Variants in PTPRD observed in about 807,000 individuals in gnomAD.
PTPRD encodes receptor-type tyrosine-protein phosphatase delta.
PTPRD carries 34 observed loss-of-function variants against 214.5 expected under a neutral mutation model. The observed-to-expected ratio is 0.16, with a 90% CI of 0.12 to 0.21. PTPRD has a LOEUF of 0.21. Among genes scored for constraint, PTPRD ranks in the 10% least tolerant of loss-of-function variants. The pLI, the probability that PTPRD is intolerant of heterozygous loss-of-function variation, is 1.00. For missense variants in PTPRD, 2,545 were observed against 2,398.7 expected (o/e 1.06, Z -1.27); for synonymous variants, 1,128 against 845.7 (o/e 1.33, Z -5.79).
intron 11 of PTPRD, among the ~76,000 whole-genome samples, chr9:8,938,910 C>G (rs2099014439): frequency 6.6e-6 from 1 of 152,134 alleles, no homozygotes; most frequent in South Asian, 2.1e-4. Flanking sequence ...TAATTATATG[C>G]TCAGCATTTG....
At chr9:9,505,693 T>C (rs1203493214) in intron 8 of PTPRD, among the ~76,000 whole-genome samples, 1 of 151,518 alleles carries the variant, frequency 6.6e-6, no homozygotes, top group Non-Finnish European at 1.5e-5. Flanking sequence ...GAAATAATTA[T>C]ACCAGGGAAA....
intron 8 of PTPRD, among the ~76,000 whole-genome samples, chr9:9,423,300 C>A (rs1174827458): frequency 5.9e-5 from 9 of 152,230 alleles, no homozygotes; most frequent in Non-Finnish European, 1.2e-4. Flanking sequence ...CTTATAATCA[C>A]AGAATAAGAG....
chr9:10,205,523 A>G (rs994869036), intron 3 of PTPRD, among the ~76,000 whole-genome samples: 2 of 152,060 alleles, frequency 1.3e-5, no homozygotes, highest in African/African-American at 2.4e-5. Context: ...CTCCTGCCAC[A>G]GCCTCTGAAG....
Position 8,317,320 on chromosome 9 carries a change from T to G in PTPRD, c.*554A>C, listed in dbSNP as rs1563846352. On this transcript the variant is annotated 3_prime_UTR_variant, in exon 46 of 46. Transcript: ENST00000381196. ...TGATACATTTTGTTAAAAAAAAGTT[T>G]ACACAGTTAGAAATGAAGCACAGGT... is the stretch of plus-strand genomic sequence containing the variant. The G allele has an allele frequency of 4.3e-6, 1 of 232,396 alleles. No individual in the cohort carries two copies. The highest frequency in any genetic ancestry group is 2.2e-5 in the African/African-American group (1 of 45,266). The allele number at this position is 232,396 out of a possible 1,614,324, so 14.4% of individuals were successfully genotyped here.
rs959060174 is a variant in PTPRD, at chr9:10,585,495, G to A, written c.-600+26903C>T. Among the ~76,000 whole-genome samples the A allele has an allele frequency of 3.0e-4, 46 of 151,934 alleles. 1 individual carries two copies. The highest frequency in any genetic ancestry group is 9.9e-4 in the African/African-American group (41 of 41,372). Reference sequence around the variant, plus strand: ...TTTCTCCAGAAAGCTTTTAGAAAATGAATATTTCAAACCCAAAGAATTTCA... The same window carrying A: ...TTTCTCCAGAAAGCTTTTAGAAAATAAATATTTCAAACCCAAAGAATTTCA... On this transcript the variant is annotated intron_variant, in intron 2 of 45. Transcript: ENST00000381196.
chr9:8,780,754 G>C (rs140990977), intron 11 of PTPRD, among the ~76,000 whole-genome samples: 152 of 152,172 alleles, frequency 1.0e-3, no homozygotes, highest in African/African-American at 3.5e-3. Context: ...AAAATCCTGA[G>C]GTAAGTAAAG....
intron 5 of PTPRD, among the ~76,000 whole-genome samples, chr9:9,934,844 C>T (rs929291434): frequency 5.3e-5 from 8 of 152,002 alleles, no homozygotes; most frequent in East Asian, 3.9e-4. Context: ...ACTGGCAAAA[C>T]GAATCCAGCA....
intron 9 of PTPRD, among the ~76,000 whole-genome samples, chr9:9,221,555 G>A (rs1210300030): frequency 6.6e-6 from 1 of 152,024 alleles, no homozygotes; most frequent in African/African-American, 2.4e-5. Context: ...CTGGCTCGCA[G>A]ACAGTATCCT....
At chr9:8,916,318 T>G (rs1421005715) in intron 11 of PTPRD, among the ~76,000 whole-genome samples, 1 of 152,176 alleles carries the variant, frequency 6.6e-6, no homozygotes, top group Admixed American at 6.5e-5. Context: ...TGGACAATTA[T>G]GACATTTATT....
At position 9,299,274 on chromosome 9, in the gene PTPRD, A is replaced by G. The variant is rs559852645; in HGVS notation, c.-203+98175T>C. The stretch of plus-strand genomic sequence containing the variant: ...ATATGCAGAAAGGTAGATTTACAGC[A>G]GTGGTTATCAACCAAAGGGTGATTT... On this transcript the variant is annotated intron_variant, in intron 9 of 45. Transcript: ENST00000381196. 3.3e-5 allele frequency among the ~76,000 whole-genome samples: 5 copies of G among 151,796 alleles called. No homozygotes were observed. In the Admixed American group the frequency reaches 3.3e-4, roughly 10 times the overall value.
chr9:8,443,679 A>G (rs765933216), intron 34 of PTPRD, among the ~76,000 whole-genome samples: 1 of 152,216 alleles, frequency 6.6e-6, no homozygotes, highest in East Asian at 1.9e-4. Flanking sequence ...GTTTGCAGGT[A>G]TTTTTGGGCC....
intron 14 of PTPRD, among the ~76,000 whole-genome samples, chr9:8,548,897 T>C (rs2081146224): frequency 6.6e-6 from 1 of 151,804 alleles, no homozygotes; most frequent in Non-Finnish European, 1.5e-5. Flanking sequence ...TTTCTCCATG[T>C]TGAGGCTGGT....
chr9:9,775,829 G>GC (rs1312878998), intron 5 of PTPRD, among the ~76,000 whole-genome samples: 1 of 151,810 alleles, frequency 6.6e-6, no homozygotes, highest in Non-Finnish European at 1.5e-5. Context: ...GGTGGCGGAC[G>GC]CCTGCAGTCC....
intron 7 of PTPRD, among the ~76,000 whole-genome samples, chr9:9,619,930 T>C (rs1463228357): frequency 6.6e-6 from 1 of 151,174 alleles, no homozygotes; most frequent in East Asian, 1.9e-4. Flanking sequence ...GTAATATAGA[T>C]AGATATTTCT....
At chr9:9,545,130 C>A (rs750607554) in intron 8 of PTPRD, among the ~76,000 whole-genome samples, 1 of 151,648 alleles carries the variant, frequency 6.6e-6, no homozygotes, top group African/African-American at 2.4e-5. Flanking sequence ...AATTGCTGAA[C>A]CTATGTTAAC....
rs200845982 is a variant in PTPRD, at chr9:8,419,249, A to AG, written c.4087-14590_4087-14589insC. The stretch of plus-strand genomic sequence containing the variant: ...TCCAAAAAATTAAAAAAAAAAAAAA[A>AG]AGAAAAGAAAAACAATATTATTAAT... On this transcript the variant is annotated intron_variant, in intron 35 of 45. Transcript: ENST00000381196. Among the ~76,000 whole-genome samples, 650 of 151,400 alleles carry AG rather than the reference A, an allele frequency of 4.3e-3. 13 individuals are homozygous for AG. The East Asian group carries it at 0.049, about 11-fold the overall frequency.
At chr9:10,010,445 C>A (rs1482232702) in intron 4 of PTPRD, among the ~76,000 whole-genome samples, 1 of 149,578 alleles carries the variant, frequency 6.7e-6, no homozygotes, top group South Asian at 2.1e-4. Flanking sequence ...TTTAATTTAA[C>A]TTTTGGTGGA....
At chr9:8,505,088 T>G (rs1384498911) in intron 22 of PTPRD, among the ~76,000 whole-genome samples, 1 of 152,084 alleles carries the variant, frequency 6.6e-6, no homozygotes, top group Non-Finnish European at 1.5e-5. Context: ...AGAAAAAAAA[T>G]AGATTCACAA....
At chr9:10,015,473 G>A (rs1335930477) in intron 4 of PTPRD, among the ~76,000 whole-genome samples, 2 of 152,088 alleles carry the variant, frequency 1.3e-5, no homozygotes, top group Non-Finnish European at 2.9e-5. Flanking sequence ...ACAATTAAAG[G>A]TGAAGTTGCA....
Sources: allele counts gnomAD v4.1 joint callset (sites outside exome capture counted in the v4.1 genomes callset), GRCh38; gene constraint gnomAD v4.1.1; transcripts MANE v1.5; gene names NCBI Gene and HGNC (gene_info 2026-07-23, HGNC 2026-07-21).